Variants in NRG3 observed in about 807,000 individuals in gnomAD.
NRG3 encodes pro-neuregulin-3, membrane-bound isoform.
A neutral mutation model predicts 66.9 loss-of-function variants in NRG3; 31 were observed. The observed-to-expected ratio is 0.46, with a 90% CI of 0.35 to 0.63. NRG3 has a LOEUF of 0.63. Ranked by LOEUF, NRG3 falls within the 20% of genes least tolerant of loss-of-function variation. The pLI is 0.00. For missense variants in NRG3, 910 were observed against 878.9 expected (o/e 1.04, Z -0.45); for synonymous variants, 393 against 359.4 (o/e 1.09, Z -1.06).
At chr10:82,344,041 A>C (rs1032733092) in intron 1 of NRG3, among the ~76,000 whole-genome samples, 1 of 150,966 alleles carries the variant, frequency 6.6e-6, no homozygotes, top group Admixed American at 6.6e-5. Context: ...ATTCTCATTT[A>C]AAAAAACTGC....
chr10:82,207,180 A>C (rs1292536756), intron 1 of NRG3, among the ~76,000 whole-genome samples: 1 of 152,224 alleles, frequency 6.6e-6, no homozygotes, highest in East Asian at 1.9e-4. Flanking sequence ...GTGCAGTACT[A>C]TTAGACAATC....
intron 4 of NRG3, among the ~76,000 whole-genome samples, chr10:82,902,876 A>AT (rs1304282831): frequency 6.6e-6 from 1 of 152,002 alleles, no homozygotes; most frequent in African/African-American, 2.4e-5. Context: ...TTTATATGCA[A>AT]TTTTTTATAA....
chr10:82,161,735 A>C (rs1489915547), intron 1 of NRG3, among the ~76,000 whole-genome samples: 1 of 151,986 alleles, frequency 6.6e-6, no homozygotes, highest in Non-Finnish European at 1.5e-5. Flanking sequence ...GACCCATACT[A>C]TCTGAATAAT....
chr10:82,624,298 A>G (rs532150124), intron 2 of NRG3, among the ~76,000 whole-genome samples: 2 of 152,312 alleles, frequency 1.3e-5, no homozygotes, highest in Admixed American at 1.3e-4. Flanking sequence ...TGCCAGTTTT[A>G]TTGACTTGCT....
chr10:82,751,187 C>A (rs930504787), intron 3 of NRG3, among the ~76,000 whole-genome samples: 1 of 152,098 alleles, frequency 6.6e-6, no homozygotes, highest in Non-Finnish European at 1.5e-5. Context: ...GTCAATTATA[C>A]TGGTTGGTGT....
intron 1 of NRG3, among the ~76,000 whole-genome samples, chr10:82,187,891 A>G (rs1172071648): frequency 6.6e-6 from 1 of 152,250 alleles, no homozygotes; most frequent in East Asian, 1.9e-4. Flanking sequence ...CCTTTGAAAT[A>G]CTCAAAGAAC....
chr10:82,985,451 G>C lies in NRG3; in HGVS notation c.1937G>C (p.Arg646Pro), dbSNP rs150401464. The C allele has an allele frequency of 6.2e-7, 1 of 1,613,994 alleles. No homozygotes were observed. Among genetic ancestry groups the C allele is most frequent in the South Asian group, 1.1e-5 (1 of 91,072 alleles). ...ATCCGAATTCTGACTGATGCCAGAC[G>C]GTCAGAAGACTACGAACTGGCCAGC... ...EQIRILTDAR[R>P]SEDYELASVE... The change falls in exon 9 of 9, where the codon CGG (arginine) becomes CCG (proline). Residue 646 changes from arginine (R) to proline (P), a missense_variant. By Grantham distance (103) the Arg-to-Pro change is moderately radical. Transcript: ENST00000372141.
chr10:82,284,360 G>T (rs1033591475), intron 1 of NRG3, among the ~76,000 whole-genome samples: 1 of 152,184 alleles, frequency 6.6e-6, no homozygotes, highest in African/African-American at 2.4e-5. Flanking sequence ...GCAGTTATGG[G>T]TCTATATCAA....
chr10:81,976,942 T>G (rs2060146947), intron 1 of NRG3, among the ~76,000 whole-genome samples: 1 of 152,198 alleles, frequency 6.6e-6, no homozygotes, highest in African/African-American at 2.4e-5. Flanking sequence ...CTCAAGGTAT[T>G]TTTCCTTCCT....
chr10:82,776,865 A>G (rs2059931039), intron 3 of NRG3, among the ~76,000 whole-genome samples: 1 of 152,058 alleles, frequency 6.6e-6, no homozygotes, highest in Non-Finnish European at 1.5e-5. Context: ...CCTCTTGTAT[A>G]TCATGAATTC....
At chr10:82,401,078 G>A (rs753582637) in intron 2 of NRG3, among the ~76,000 whole-genome samples, 4 of 152,160 alleles carry the variant, frequency 2.6e-5, no homozygotes, top group South Asian at 2.1e-4. Context: ...TTCCACCACC[G>A]TCTCTGCCAC....
At chr10:82,480,581 A>G (rs1842188213) in intron 2 of NRG3, among the ~76,000 whole-genome samples, 1 of 152,028 alleles carries the variant, frequency 6.6e-6, no homozygotes, top group African/African-American at 2.4e-5. Context: ...TATGAGAATC[A>G]TTTTCTCATT....
intron 1 of NRG3, among the ~76,000 whole-genome samples, chr10:81,963,125 C>CTTT (rs777026850): frequency 0.021 from 1,438 of 70,116 alleles, 246 homozygotes; most frequent in Non-Finnish European, 0.027. Flanking sequence ...CACGAGGGCT[C>CTTT]TTTTTTTTTT....
At chr10:82,422,725 T>C (rs1410213652) in intron 2 of NRG3, among the ~76,000 whole-genome samples, 1 of 152,024 alleles carries the variant, frequency 6.6e-6, no homozygotes, top group Non-Finnish European at 1.5e-5. Flanking sequence ...ACATACAAAC[T>C]TGTTTTGTTT....
intron 2 of NRG3, among the ~76,000 whole-genome samples, chr10:82,489,207 G>T (rs551675551): frequency 6.6e-6 from 1 of 152,262 alleles, no homozygotes; most frequent in South Asian, 2.1e-4. Context: ...ATTCGGAAAT[G>T]GGTGCTTTAA....
intron 4 of NRG3, among the ~76,000 whole-genome samples, chr10:82,867,491 G>C (rs969257867): frequency 5.3e-5 from 8 of 152,176 alleles, no homozygotes; most frequent in Non-Finnish European, 1.2e-4. Flanking sequence ...GCCACTGTGT[G>C]AATGGCATAA....
intron 1 of NRG3, among the ~76,000 whole-genome samples, chr10:82,169,828 G>A (rs1050845276): frequency 1.3e-5 from 2 of 151,188 alleles, no homozygotes; most frequent in Non-Finnish European, 3.0e-5. Flanking sequence ...TTTTTTCTGA[G>A]TCTATTGATT....
At chr10:82,703,023 T>C (rs1395571989) in intron 2 of NRG3, among the ~76,000 whole-genome samples, 1 of 151,734 alleles carries the variant, frequency 6.6e-6, no homozygotes, top group African/African-American at 2.4e-5. Context: ...TTCTTCTCCT[T>C]CCTTTCTTAA....
chr10:82,356,092 G>T (rs1215303498), intron 1 of NRG3, among the ~76,000 whole-genome samples: 1 of 152,034 alleles, frequency 6.6e-6, no homozygotes, highest in Non-Finnish European at 1.5e-5. Flanking sequence ...CATTGACTTG[G>T]GTCTCTGATC....
Sources: gnomAD v4.1 joint callset for allele counts (sites outside exome capture counted in the v4.1 genomes callset) on GRCh38, gnomAD v4.1.1 for gene constraint, MANE v1.5 for transcripts, NCBI Gene and HGNC (gene_info 2026-07-23, HGNC 2026-07-21) for gene names.